Variants in MARCHF7 observed in about 807,000 individuals in gnomAD.
MARCHF7 encodes the protein E3 ubiquitin-protein ligase MARCHF7.
A neutral mutation model predicts 76.5 loss-of-function variants in MARCHF7; 20 were observed. The observed-to-expected ratio is 0.26, with a 90% CI of 0.18 to 0.38. The LOEUF (loss-of-function observed/expected upper bound fraction) is 0.38. Among genes scored for constraint, MARCHF7 ranks in the 10% least tolerant of loss-of-function variants. The pLI is 1.00. For missense variants in MARCHF7, 797 were observed against 812.9 expected, an observed-to-expected ratio of 0.98 and a Z score of 0.24; for synonymous variants, 295 against 293.0, an observed-to-expected ratio of 1.01 and a Z score of -0.07.
rs1705212692 is a variant in MARCHF7 at position 159,748,774 on chromosome 2, A to G, written c.1484A>G (p.Asn495Ser). Residue 495 changes from asparagine (N) to serine (S), a missense_variant, in exon 7 of 12, where the codon AAT (asparagine) becomes AGT (serine). By Grantham distance (46) the Asn-to-Ser change is conservative (BLOSUM62 1). Around this residue, in one of 3 missense-constraint regions of MARCHF7, gnomAD observed 643 missense variants for 631.5 expected, o/e 1.02. Coordinates refer to ENST00000409175, the MANE Select transcript of MARCHF7 (RefSeq NM_001282805.2). Reference sequence around the variant, plus strand: ...GCAGTCCCTCCAGCACTTGGGAGTAATTTGACCGACAATGTCATGATCACA... The same window carrying G: ...GCAGTCCCTCCAGCACTTGGGAGTAGTTTGACCGACAATGTCATGATCACA... ...RFAVPPALGS[N>S]LTDNVMITVD... is the part of the protein sequence containing the mutation. The G allele has an allele frequency of 6.2e-7, 1 of 1,614,174 alleles. No homozygotes were observed. Among genetic ancestry groups the G allele is most frequent in the African/African-American group, 1.3e-5 (1 of 75,040 alleles).
Position 159,767,738 on chromosome 2 carries a change from T to G in MARCHF7, c.*396T>G, listed in dbSNP as rs144879636. On this transcript the variant is annotated 3_prime_UTR_variant, in exon 12 of 12. Transcript: ENST00000409175. ...GTGAGAAAAGTGGGACAAAATATACTTTTGAAATAAAATGCTATATGGCAC... is the reference window on the plus strand; with the variant it reads ...GTGAGAAAAGTGGGACAAAATATACGTTTGAAATAAAATGCTATATGGCAC... 6.8e-6 allele frequency: 1 copy of G among 147,506 alleles called. No individual in the cohort carries two copies. Among genetic ancestry groups the G allele is most frequent in the East Asian group, 1.9e-4 (1 of 5,268 alleles). 9.1% of individuals were successfully genotyped at this position (147,506 alleles called of 1,614,324 possible).
At chr2:159,762,766 T>C in intron 9 of MARCHF7, 114 bp from the exon 10 acceptor site, 6 of 457,270 alleles carry the variant, frequency 1.3e-5, no homozygotes, top group Non-Finnish European at 2.3e-5. Flanking sequence ...TATTAGGAAC[T>C]GGATATGAAT....
At chr2:159,762,635 T>C (rs1250421061) in intron 9 of MARCHF7, among the ~76,000 whole-genome samples, 1 of 152,174 alleles carries the variant, frequency 6.6e-6, no homozygotes, top group Non-Finnish European at 1.5e-5. Context: ...ATCAAATTAT[T>C]TAAAAGTTCC....
chr2:159,756,895 G>GTT (rs144085037), intron 8 of MARCHF7, among the ~76,000 whole-genome samples: 12 of 151,176 alleles, frequency 7.9e-5, no homozygotes, highest in Non-Finnish European at 1.3e-4. Flanking sequence ...ATGGGAGTTA[G>GTT]TTTGTTTTTG....
chr2:159,752,874 T>G (rs766583257), intron 8 of MARCHF7, among the ~76,000 whole-genome samples: 1 of 152,194 alleles, frequency 6.6e-6, no homozygotes, highest in Non-Finnish European at 1.5e-5. Context: ...GGAAATAGAC[T>G]CACCATTTAC....
chr2:159,760,373 A>G (rs1424102363), intron 9 of MARCHF7, among the ~76,000 whole-genome samples: 7 of 152,236 alleles, frequency 4.6e-5, no homozygotes, highest in Non-Finnish European at 2.9e-5. Context: ...CAGATAAAGA[A>G]TCACTGATCT....
chr2:159,727,001 T>A (rs1702248858), intron 3 of MARCHF7, among the ~76,000 whole-genome samples: 1 of 152,236 alleles, frequency 6.6e-6, no homozygotes, highest in Non-Finnish European at 1.5e-5. Flanking sequence ...GACTATACCA[T>A]CTAGGTTTGT....
chr2:159,729,167 G>C lies in MARCHF7; in HGVS notation c.145G>C (p.Glu49Gln). The C allele has an allele frequency of 6.3e-7, 1 of 1,592,806 alleles. No individual in the cohort carries two copies. The highest frequency in any genetic ancestry group is 8.5e-7 in the Non-Finnish European group (1 of 1,172,740). Residue 49 changes from glutamate (E) to glutamine (Q), a missense_variant, in exon 4 of 12, where the codon GAA (glutamate) becomes CAA (glutamine). This residue lies in a region of MARCHF7 where 643 missense variants were observed against 631.5 expected (regional missense o/e 1.02). Transcript: ENST00000409175. ...AGACTCTTCATTTAGATTGGATTCT[G>C]AATATCAGGTAACATTTTTATTTGG... is the stretch of plus-strand genomic sequence containing the variant. ...SRDSSFRLDS[E>Q]YQSTSASASA...
intron 4 of MARCHF7, among the ~76,000 whole-genome samples, chr2:159,738,892 G>A (rs1225089153): frequency 6.6e-6 from 1 of 152,192 alleles, no homozygotes; most frequent in African/African-American, 2.4e-5. Flanking sequence ...ATGGCACCCA[G>A]GCTGTTTGTG....
chr2:159,715,324 T>G (rs893130430), intron 2 of MARCHF7, among the ~76,000 whole-genome samples: 2 of 151,492 alleles, frequency 1.3e-5, no homozygotes, highest in Non-Finnish European at 2.9e-5. Flanking sequence ...AGTCTGAAGT[T>G]GGGGAGAATG....
intron 4 of MARCHF7, among the ~76,000 whole-genome samples, chr2:159,742,505 G>A (rs2125542708): frequency 6.6e-6 from 1 of 151,892 alleles, no homozygotes; most frequent in South Asian, 2.1e-4. Context: ...TAGGAAAAAT[G>A]ATTACAGTTT....
In MARCHF7 at chr2:159,737,321, C is replaced by T. The variant is rs549182089; in HGVS notation, c.154-5740C>T. ...CAGAATATATGAAGAACTCTTACCTCTCAACAATAAAAATATAACCCAATT... is the reference window on the plus strand; with the variant it reads ...CAGAATATATGAAGAACTCTTACCTTTCAACAATAAAAATATAACCCAATT... On this transcript the variant is annotated intron_variant, in intron 4 of 11. Transcript: ENST00000409175. Among the ~76,000 whole-genome samples the T allele has an allele frequency of 7.3e-4, 111 of 152,246 alleles. No homozygotes were observed. The Middle Eastern group carries it at 0.024, about 33-fold the overall frequency.
intron 9 of MARCHF7, among the ~76,000 whole-genome samples, chr2:159,761,873 ATATT>A (rs1156368645): frequency 1.3e-5 from 2 of 152,186 alleles, no homozygotes; most frequent in Admixed American, 6.5e-5. Context: ...TAATAATACT[ATATT>A]TATGATTTGT....
At chr2:159,721,255 T>C (rs1701609178) in intron 3 of MARCHF7, among the ~76,000 whole-genome samples, 1 of 152,190 alleles carries the variant, frequency 6.6e-6, no homozygotes, top group African/African-American at 2.4e-5. Context: ...ACCTTGTTTA[T>C]GTCCTGGATA....
intron 3 of MARCHF7, among the ~76,000 whole-genome samples, chr2:159,718,014 A>T (rs574090336): frequency 6.6e-6 from 1 of 152,388 alleles, no homozygotes; most frequent in East Asian, 1.9e-4. Flanking sequence ...AGCTGTTTAT[A>T]TGAAAACCTT....
intron 4 of MARCHF7, among the ~76,000 whole-genome samples, chr2:159,738,616 G>A (rs4477859): frequency 0.53 from 79,958 of 151,946 alleles, 22,780 homozygotes; most frequent in African/African-American, 0.75. Flanking sequence ...GACCAGACAG[G>A]AGTGGGTAGC....
At chr2:159,731,504 C>A (rs1702783355) in intron 4 of MARCHF7, among the ~76,000 whole-genome samples, 1 of 152,020 alleles carries the variant, frequency 6.6e-6, no homozygotes, top group African/African-American at 2.4e-5. Flanking sequence ...CCTGTAGTCC[C>A]AGCACTTTGG....
chr2:159,724,554 A>G (rs969669248), intron 3 of MARCHF7, among the ~76,000 whole-genome samples: 1 of 152,180 alleles, frequency 6.6e-6, no homozygotes, highest in Non-Finnish European at 1.5e-5. Flanking sequence ...GGTTTCTGCA[A>G]CTTACTCCCA....
intron 4 of MARCHF7, chr2:159,734,163 A>G (rs1260290162): frequency 1.9e-6 from 2 of 1,062,364 alleles, no homozygotes; most frequent in Admixed American, 3.6e-5. Context: ...TGGATATGTA[A>G]TTTTGTTTTG....
Sources: gnomAD v4.1 joint callset for allele counts (sites outside exome capture counted in the v4.1 genomes callset) on GRCh38, gnomAD v4.1.1 for gene constraint, gnomAD v4.1.1 regional missense constraint, MANE v1.5 for transcripts, NCBI Gene and HGNC (gene_info 2026-07-23, HGNC 2026-07-21) for gene names.